The following C4orf51 variants were observed in gnomAD, a reference collection of about 807,000 sequenced individuals.
C4orf51 encodes the protein uncharacterized protein C4orf51.
A neutral mutation model predicts 25.2 loss-of-function variants in C4orf51; 25 were observed. The observed-to-expected ratio is 0.99, with a 90% CI of 0.72 to 1.39. C4orf51 has a LOEUF of 1.39. Ranked by LOEUF, C4orf51 falls within the 40% of genes most tolerant of loss-of-function variation. The pLI is 0.00. For synonymous variants in C4orf51, 100 were observed against 84.5 expected (o/e 1.18, Z -1.01); for missense variants, 252 against 239.6 (o/e 1.05, Z -0.34).
Position 145,765,757 on chromosome 4 carries a change from A to G in C4orf51, n.167-5231A>G. ...TCTTCCCCTGAAAAATAAGCAAATAACCCAGTCTGTTAATGAGATGAAAAT... is the reference window on the plus strand; with the variant it reads ...TCTTCCCCTGAAAAATAAGCAAATAGCCCAGTCTGTTAATGAGATGAAAAT... On this transcript the variant is annotated intron_variant and non_coding_transcript_variant, in intron 1 of 1. Coordinates refer to the C4orf51 transcript ENST00000510096. This position sits in a 1 kb window ranked among gnomAD's most constrained non-coding sequence, Gnocchi z 4.7. The G allele has an allele frequency of 6.2e-7, 1 of 1,608,770 alleles. No individual in the cohort carries two copies. The highest frequency in any genetic ancestry group is 1.1e-5 in the South Asian group (1 of 90,336).
At chr4:145,722,537 G>T (rs1352816865) in intron 2 of C4orf51, among the ~76,000 whole-genome samples, 2 of 152,246 alleles carry the variant, frequency 1.3e-5, no homozygotes, top group East Asian at 3.9e-4. Flanking sequence ...TTAAAAATCT[G>T]TCATGAAAGA....
intron 3 of C4orf51, among the ~76,000 whole-genome samples, chr4:145,728,049 C>T (rs189323449): frequency 0.044 from 3,850 of 86,844 alleles, 98 homozygotes; most frequent in Admixed American, 0.097. Context: ...TATATATATA[C>T]ACACACACAC....
At chr4:145,733,273 C>G (rs1732603527), downstream of C4orf51, among the ~76,000 whole-genome samples, 1 of 152,176 alleles carries the variant, frequency 6.6e-6, no homozygotes, top group Non-Finnish European at 1.5e-5. Context: ...TCTTCCTCCC[C>G]TAGCGTCCAC....
chr4:145,737,515 C>A (rs1732869199), downstream of C4orf51, among the ~76,000 whole-genome samples: 1 of 152,164 alleles, frequency 6.6e-6, no homozygotes, highest in Admixed American at 6.5e-5. Context: ...ATTTTTCTTC[C>A]TGCTGGAGCA....
At chr4:145,774,699 G>C (rs766553609), downstream of C4orf51, 17 of 1,605,770 alleles carry the variant, frequency 1.1e-5, no homozygotes, top group South Asian at 1.7e-4. Flanking sequence ...AAGAAAAGAG[G>C]GGGAGAGAAA....
chr4:145,687,906 G>T (rs1046110940), intron 1 of C4orf51, among the ~76,000 whole-genome samples: 1 of 151,998 alleles, frequency 6.6e-6, no homozygotes, highest in African/African-American at 2.4e-5. Flanking sequence ...GGAAAACATC[G>T]CATGATATAA....
At chr4:145,766,085 G>A (rs10020778) in intron 1 of C4orf51, among the ~76,000 whole-genome samples, 146,051 of 152,314 alleles carry the variant, frequency 0.96, 70,090 homozygotes, top group African/African-American at 0.99. Flanking sequence ...CAAAAATCCT[G>A]TGTGGCACAA....
chr4:145,681,615 T>A (rs921605376), intron 1 of C4orf51, among the ~76,000 whole-genome samples: 2 of 152,202 alleles, frequency 1.3e-5, no homozygotes, highest in Non-Finnish European at 2.9e-5. Flanking sequence ...AACTTATAAA[T>A]AATAGAAGTT....
intron 1 of C4orf51, among the ~76,000 whole-genome samples, chr4:145,696,343 A>G (rs1245879177): frequency 1.3e-5 from 2 of 152,186 alleles, no homozygotes; most frequent in Non-Finnish European, 2.9e-5. Context: ...CAAAATTGCT[A>G]TCGGGTATTA....
At chr4:145,706,681 C>A (rs927603343) in intron 2 of C4orf51, among the ~76,000 whole-genome samples, 1 of 152,072 alleles carries the variant, frequency 6.6e-6, no homozygotes, top group African/African-American at 2.4e-5. Context: ...CGCTCTGTCG[C>A]CCAGCCTGGA....
At chr4:145,739,228 C>G (rs1359925408) in intron 1 of C4orf51, among the ~76,000 whole-genome samples, 1 of 152,174 alleles carries the variant, frequency 6.6e-6, no homozygotes, top group African/African-American at 2.4e-5. Flanking sequence ...AATTTCTCAC[C>G]AGATGAGTTG....
At position 145,762,905 on chromosome 4, in the gene C4orf51, C is replaced by A. The variant is rs1003740842; in HGVS notation, n.167-8083C>A. Among the ~76,000 whole-genome samples the A allele has an allele frequency of 6.6e-6, 1 of 152,206 alleles. No homozygotes were observed. The highest frequency in any genetic ancestry group is 6.5e-5 in the Admixed American group (1 of 15,280). On this transcript the variant is annotated intron_variant and non_coding_transcript_variant, in intron 1 of 1. Transcript: ENST00000510096. The surrounding 1 kb of genome is among the most constrained non-coding windows in gnomAD (Gnocchi z 4.9). Reference sequence around the variant, plus strand: ...GCAGGGCTCAGGAGTGGACTGTCCTCGGAGGGTCTGGAGAGGTGTTCAGCA... The same window carrying A: ...GCAGGGCTCAGGAGTGGACTGTCCTAGGAGGGTCTGGAGAGGTGTTCAGCA...
At chr4:145,696,682 C>T in intron 2 of C4orf51, 50 bp downstream of exon 2, 2 of 1,391,214 alleles carry the variant, frequency 1.4e-6, no homozygotes, top group Non-Finnish European at 2.0e-6. Context: ...GCCAGGGTTG[C>T]TGTGTTTCTT....
At position 145,706,968 on chromosome 4, in the gene C4orf51, C is replaced by T. The variant is rs550109410; in HGVS notation, c.307+10336C>T. Reference sequence around the variant, plus strand: ...CTGGGATTACAGGTGCCCACGACCACGCCCGGCTAATTTATTTTTGGATTT... The same window carrying T: ...CTGGGATTACAGGTGCCCACGACCATGCCCGGCTAATTTATTTTTGGATTT... On this transcript the variant is annotated intron_variant, in intron 2 of 5. Coordinates refer to ENST00000438731, the MANE Select transcript of C4orf51 (RefSeq NM_001080531.3). Among the ~76,000 whole-genome samples the T allele has an allele frequency of 2.6e-5, 4 of 152,032 alleles. No individual in the cohort carries two copies. In the East Asian group the frequency reaches 7.7e-4, roughly 29 times the overall value.
At chr4:145,683,181 G>T (rs1674632059) in intron 1 of C4orf51, among the ~76,000 whole-genome samples, 1 of 151,908 alleles carries the variant, frequency 6.6e-6, no homozygotes, top group South Asian at 2.1e-4. Flanking sequence ...AAACACTTAG[G>T]TATAAATCTA....
At chr4:145,728,160 A>C (rs2126766731) in intron 3 of C4orf51, among the ~76,000 whole-genome samples, 1 of 150,616 alleles carries the variant, frequency 6.6e-6, no homozygotes, top group East Asian at 1.9e-4. Flanking sequence ...GTAGCTGTAA[A>C]ATCATCTCTT....
the C4orf51 span, among the ~76,000 whole-genome samples, chr4:145,786,131 A>G: frequency 6.6e-6 from 1 of 152,350 alleles, no homozygotes; most frequent in East Asian, 1.9e-4. Context: ...AAACAAACAA[A>G]CAGATAAGCA....
At chr4:145,754,883 C>T (rs146470425), downstream of C4orf51, among the ~76,000 whole-genome samples, 2,292 of 152,214 alleles carry the variant, frequency 0.015, 55 homozygotes, top group African/African-American at 0.053. Flanking sequence ...TTGCAGTGAG[C>T]CGAGATCATG....
Position 145,761,231 on chromosome 4 carries a change from G to C in C4orf51, n.167-9757G>C. On this transcript the variant is annotated intron_variant and non_coding_transcript_variant, in intron 1 of 1. Transcript: ENST00000510096. The surrounding 1 kb of genome is among the most constrained non-coding windows in gnomAD (Gnocchi z 6.8). ...TTGACGTGGCGGCTGAAGACGAAAG[G>C]GTGTGTGGTCTTGAACAGGCACTCT... 1 of 1,289,878 alleles carries C rather than the reference G, an allele frequency of 7.8e-7. No individual in the cohort carries two copies. Among genetic ancestry groups the C allele is most frequent in the Non-Finnish European group, 1.0e-6 (1 of 988,886 alleles). The allele number at this position is 1,289,878 out of a possible 1,614,324, so 79.9% of individuals were successfully genotyped here. A position where few individuals can be genotyped will look rare whatever the true frequency, so the allele number is the denominator to read the frequency against.
Sources: gnomAD v4.1 joint callset for allele counts (sites outside exome capture counted in the v4.1 genomes callset) on GRCh38, gnomAD v4.1.1 for gene constraint, Gnocchi (gnomAD v3.1) non-coding constraint, MANE v1.5 for transcripts, NCBI Gene and HGNC (gene_info 2026-07-23, HGNC 2026-07-21) for gene names.